MOB3B: variants seen among roughly 807,000 people sequenced by gnomAD.
The protein encoded by MOB3B is MOB kinase activator 3B, also known as MOB kinase activator-like 2B.
A neutral mutation model predicts 18.7 loss-of-function variants in MOB3B; 7 were observed. That is an observed-to-expected ratio of 0.37 (90% CI 0.21 to 0.70). MOB3B has a LOEUF of 0.70. Ranked by LOEUF, MOB3B falls within the 30% of genes least tolerant of loss-of-function variation. The probability of loss-of-function intolerance (pLI) is 0.52; values close to 1 mark genes in which losing one functional copy is unlikely to be tolerated. For missense variants in MOB3B, 253 were observed against 281.3 expected, an observed-to-expected ratio of 0.90 and a Z score of 0.72; for synonymous variants, 111 against 99.9, an observed-to-expected ratio of 1.11 and a Z score of -0.66.
chr9:27,340,046 T>A (rs1002823082), intron 3 of MOB3B, among the ~76,000 whole-genome samples: 2 of 152,256 alleles, frequency 1.3e-5, no homozygotes, highest in African/African-American at 4.8e-5. Flanking sequence ...CTTTTAGGAA[T>A]GTGGGTGGCA....
chr9:27,381,925 T>C (rs1282110902), intron 2 of MOB3B, among the ~76,000 whole-genome samples: 1 of 152,110 alleles, frequency 6.6e-6, no homozygotes, highest in Non-Finnish European at 1.5e-5. Context: ...GGATTACAAG[T>C]GTGAGCTAAG....
In MOB3B at chr9:27,330,489, A is replaced by T. The variant is rs1481040114; in HGVS notation, c.*98T>A. The T allele has an allele frequency of 6.6e-7, 1 of 1,524,642 alleles. No homozygotes were observed. Among genetic ancestry groups the T allele is most frequent in the Admixed American group, 1.8e-5 (1 of 55,056 alleles). 94.4% of individuals were successfully genotyped at this position (1,524,642 alleles called of 1,614,324 possible). A position where few individuals can be genotyped will look rare whatever the true frequency, so the allele number is the denominator to read the frequency against. ...TGCCTCCACCTCTGCTGTTCCTGGG[A>T]GTAGGTGTGTCATTTCAGCCAGGGT... On this transcript the variant is annotated 3_prime_UTR_variant, in exon 4 of 4. Transcript: ENST00000262244.
chr9:27,470,125 A>AAAAAAG (rs950452632), intron 1 of MOB3B, among the ~76,000 whole-genome samples: 29 of 150,198 alleles, frequency 1.9e-4, no homozygotes, highest in African/African-American at 4.9e-4. Context: ...AAAAAAAAAA[A>AAAAAAG]AAAGAAAAGA....
At chr9:27,367,346 C>A (rs149018002) in intron 2 of MOB3B, among the ~76,000 whole-genome samples, 1 of 152,162 alleles carries the variant, frequency 6.6e-6, no homozygotes, top group African/African-American at 2.4e-5. Flanking sequence ...CATGCAAATA[C>A]GATTGACACA....
chr9:27,357,148 GT>G (rs55829817), intron 3 of MOB3B, among the ~76,000 whole-genome samples: 64 of 69,162 alleles, frequency 9.3e-4, no homozygotes, highest in East Asian at 3.3e-3. Flanking sequence ...ATATATATGT[GT>G]TTTTTTTTTT....
intron 3 of MOB3B, among the ~76,000 whole-genome samples, chr9:27,349,004 C>T (rs907848776): frequency 3.9e-5 from 6 of 152,118 alleles, no homozygotes; most frequent in African/African-American, 1.2e-4. Flanking sequence ...ATGGCCCATT[C>T]AAAGAACTCT....
At chr9:27,335,706 G>A (rs1377354521) in intron 3 of MOB3B, among the ~76,000 whole-genome samples, 6 of 151,966 alleles carry the variant, frequency 3.9e-5, no homozygotes, top group South Asian at 2.1e-4. Flanking sequence ...TTCTCCCATC[G>A]CCAACACCCT....
intron 2 of MOB3B, among the ~76,000 whole-genome samples, chr9:27,400,254 T>C (rs77189583): frequency 0.028 from 4,314 of 152,292 alleles, 107 homozygotes; most frequent in Non-Finnish European, 0.044. Context: ...TTACAGTAAT[T>C]ATTGATTGTA....
At chr9:27,429,540 A>G (rs750828334) in intron 2 of MOB3B, among the ~76,000 whole-genome samples, 7 of 152,208 alleles carry the variant, frequency 4.6e-5, no homozygotes, top group Non-Finnish European at 7.4e-5. Context: ...AAACAGAGGA[A>G]ACAAACAGAG....
chr9:27,326,317 GA>G lies in MOB3B; in HGVS notation c.*4269del. 1 of 395,806 alleles carries G rather than the reference GA, an allele frequency of 2.5e-6. No individual in the cohort carries two copies. The highest frequency in any genetic ancestry group is 3.6e-5 in the East Asian group (1 of 27,958). 24.5% of individuals were successfully genotyped at this position (395,806 alleles called of 1,614,324 possible). On this transcript the variant is annotated 3_prime_UTR_variant, in exon 4 of 4. Transcript: ENST00000262244. ...ATGCCACCCTGGGAGAATTGCAAGG[GA>G]AAGGAGGCTGAAGCACAACTGGTAA...
At chr9:27,415,885 T>C (rs1345362870) in intron 2 of MOB3B, among the ~76,000 whole-genome samples, 3 of 152,356 alleles carry the variant, frequency 2.0e-5, no homozygotes, top group South Asian at 2.1e-4. Flanking sequence ...TTATCACTCA[T>C]ATAGATTTCA....
chr9:27,372,580 T>C (rs992025888), intron 2 of MOB3B, among the ~76,000 whole-genome samples: 2 of 152,206 alleles, frequency 1.3e-5, no homozygotes, highest in African/African-American at 4.8e-5. Context: ...ATCGTGTTCA[T>C]AGAATATGGC....
At chr9:27,381,733 A>C (rs1821580231) in intron 2 of MOB3B, among the ~76,000 whole-genome samples, 1 of 151,794 alleles carries the variant, frequency 6.6e-6, no homozygotes, top group Non-Finnish European at 1.5e-5. Context: ...TGTATCCTCA[A>C]CCTCCTGGGC....
intron 1 of MOB3B, among the ~76,000 whole-genome samples, chr9:27,480,460 C>T (rs1166531314): frequency 1.3e-5 from 2 of 152,160 alleles, no homozygotes; most frequent in African/African-American, 4.8e-5. Flanking sequence ...CCACCATGCT[C>T]GGCTAATTTT....
Position 27,359,046 on chromosome 9 carries a change from C to T in MOB3B, c.609G>A (p.Glu203=), listed in dbSNP as rs1821233560. The T allele has an allele frequency of 6.2e-7, 1 of 1,614,074 alleles. No homozygotes were observed. Among genetic ancestry groups the T allele is most frequent in the Admixed American group, 1.7e-5 (1 of 60,002 alleles). ...VTEMNLIDRK[E]LEPLKEMTSR... ...TGGTGTCACTTACCAAAGGCTCTAG[C>T]TCCTTGCGGTCTATGAGGTTCATCT... The change falls in exon 3 of 4, where the codon GAG becomes GAA. Residue 203 remains glutamate, a synonymous_variant. Transcript: ENST00000262244.
intron 1 of MOB3B, among the ~76,000 whole-genome samples, chr9:27,528,047 C>G (rs768157547): frequency 2.6e-5 from 4 of 152,182 alleles, no homozygotes; most frequent in Non-Finnish European, 5.9e-5. Context: ...TCTGAGTCCT[C>G]TTTTTCTACA....
At chr9:27,413,297 C>A (rs980319407) in intron 2 of MOB3B, among the ~76,000 whole-genome samples, 39 of 151,904 alleles carry the variant, frequency 2.6e-4, no homozygotes, top group Non-Finnish European at 1.5e-5. Context: ...GGAGTGAATT[C>A]TCCATTTCAT....
intron 1 of MOB3B, among the ~76,000 whole-genome samples, chr9:27,495,915 C>T (rs550269344): frequency 6.6e-6 from 1 of 152,308 alleles, no homozygotes; most frequent in Non-Finnish European, 1.5e-5. Flanking sequence ...CAAGGGACAT[C>T]TCCTATCCTG....
At chr9:27,481,199 GA>G (rs1819643376) in intron 1 of MOB3B, among the ~76,000 whole-genome samples, 1 of 152,158 alleles carries the variant, frequency 6.6e-6, no homozygotes, top group South Asian at 2.1e-4. Flanking sequence ...AAAAAGGCGA[GA>G]AGAAACATAG....
Sources: gnomAD v4.1 joint callset for allele counts (sites outside exome capture counted in the v4.1 genomes callset) on GRCh38, gnomAD v4.1.1 for gene constraint, MANE v1.5 for transcripts, NCBI Gene and HGNC (gene_info 2026-07-23, HGNC 2026-07-21) for gene names.